The following PAK1 variants were observed in gnomAD, a reference collection of about 807,000 sequenced individuals.
PAK1 encodes serine/threonine-protein kinase PAK 1.
A neutral mutation model predicts 67.4 loss-of-function variants in PAK1; 29 were observed. The observed-to-expected ratio is 0.43, with a 90% CI of 0.32 to 0.59. The LOEUF (loss-of-function observed/expected upper bound fraction) is 0.59, where lower values mean the gene tolerates loss of function less well. Ranked by LOEUF, PAK1 falls within the 20% of genes least tolerant of loss-of-function variation. PAK1 has a pLI of 0.07. For synonymous variants in PAK1, 223 were observed against 237.4 expected (o/e 0.94, Z 0.56); for missense variants, 337 against 670.7 (o/e 0.50, Z 5.50).
At chr11:77,359,972 C>CTG (rs1450955916) in intron 5 of PAK1, among the ~76,000 whole-genome samples, 1 of 151,984 alleles carries the variant, frequency 6.6e-6, no homozygotes, top group Non-Finnish European at 1.5e-5. Flanking sequence ...CTCAGTAAGA[C>CTG]TGTGATAGGT....
the PAK1 span, among the ~76,000 whole-genome samples, chr11:77,512,376 G>A: frequency 0.018 from 2,497 of 141,574 alleles, 20 homozygotes; most frequent in Middle Eastern, 0.035. Flanking sequence ...CATTTGTGTG[G>A]TCTCTGTGAG....
At chr11:77,401,311 C>A (rs1448732702) in intron 1 of PAK1, among the ~76,000 whole-genome samples, 5 of 152,106 alleles carry the variant, frequency 3.3e-5, no homozygotes, top group African/African-American at 1.2e-4. Flanking sequence ...AAGATACTCC[C>A]ACTATGCAGC....
chr11:77,481,284 A>T, the PAK1 span, among the ~76,000 whole-genome samples: 4 of 152,148 alleles, frequency 2.6e-5, no homozygotes, highest in Non-Finnish European at 4.4e-5. Flanking sequence ...AAAATCTCCA[A>T]ATATATATAA....
At chr11:77,466,980 A>G (rs1592584737) in intron 1 of PAK1, among the ~76,000 whole-genome samples, 1 of 152,198 alleles carries the variant, frequency 6.6e-6, no homozygotes, top group African/African-American at 2.4e-5. Context: ...TATTTTGTAC[A>G]TTATACAAAA....
chr11:77,401,642 C>T (rs1952702101), intron 1 of PAK1, among the ~76,000 whole-genome samples: 1 of 152,098 alleles, frequency 6.6e-6, no homozygotes, highest in African/African-American at 2.4e-5. Flanking sequence ...CTGCCTTTGC[C>T]TATGCTGTTT....
At chr11:77,496,143 C>T in the PAK1 span, among the ~76,000 whole-genome samples, 3 of 151,840 alleles carry the variant, frequency 2.0e-5, no homozygotes, top group Non-Finnish European at 2.9e-5. Context: ...CTCAGCCTCC[C>T]GAGTAGCTGG....
At chr11:77,329,935 G>A (rs958109481) in intron 14 of PAK1, among the ~76,000 whole-genome samples, 3 of 152,058 alleles carry the variant, frequency 2.0e-5, no homozygotes, top group African/African-American at 4.8e-5. Flanking sequence ...CTTCAGCTAA[G>A]TCTCAGGATA....
rs114967051 is a variant in PAK1 at position 77,420,048 on chromosome 11, A to G, written c.-21-27507T>C. On this transcript the variant is annotated intron_variant, in intron 1 of 14. Transcript: ENST00000356341. Reference sequence around the variant, plus strand: ...AAAGCAACCAGTCATAAGTCAAAGTATACTTGAATTTCAAAAAAGGCAAAG... The same window carrying G: ...AAAGCAACCAGTCATAAGTCAAAGTGTACTTGAATTTCAAAAAAGGCAAAG... Among the ~76,000 whole-genome samples the G allele has an allele frequency of 8.8e-3, 1,335 of 152,340 alleles. 27 individuals carry two copies. The highest frequency in any genetic ancestry group is 0.031 in the African/African-American group (1,276 of 41,568).
chr11:77,383,341 T>TTTTTTTA (rs1950075550), intron 2 of PAK1, among the ~76,000 whole-genome samples: 1 of 150,458 alleles, frequency 6.6e-6, no homozygotes, highest in African/African-American at 2.5e-5. Flanking sequence ...TTTTTTTTTT[T>TTTTTTTA]GAGACAGAGT....
At chr11:77,349,097 C>T in intron 9 of PAK1, 142 bp downstream of exon 9, 2 of 616,834 alleles carry the variant, frequency 3.2e-6, no homozygotes, top group Non-Finnish European at 5.7e-6. Flanking sequence ...TGCACTCCAG[C>T]CTGGATGACA....
At chr11:77,392,627 A>C in intron 1 of PAK1, 86 bp from the exon 2 acceptor site, 2 of 1,032,426 alleles carry the variant, frequency 1.9e-6, no homozygotes, top group East Asian at 5.1e-5. Flanking sequence ...AAGAATCAAA[A>C]TTATACAGCC....
At chr11:77,365,694 G>A (rs1947461071) in intron 5 of PAK1, among the ~76,000 whole-genome samples, 1 of 151,998 alleles carries the variant, frequency 6.6e-6, no homozygotes, top group African/African-American at 2.4e-5. Context: ...TTAGCTGGCT[G>A]TGGTGGCATG....
intron 2 of PAK1, among the ~76,000 whole-genome samples, chr11:77,385,749 C>T (rs1423396530): frequency 2.0e-5 from 3 of 151,982 alleles, no homozygotes; most frequent in African/African-American, 4.8e-5. Context: ...CCCAGCTACT[C>T]GGGAGGCTGA....
chr11:77,349,364 A>G, intron 8 of PAK1, 77 bp from the exon 9 acceptor site: 1 of 1,104,338 alleles, frequency 9.1e-7, no homozygotes, highest in Non-Finnish European at 1.4e-6. Context: ...ATGCAGTTCT[A>G]CACACAATCT....
the PAK1 span, among the ~76,000 whole-genome samples, chr11:77,524,051 A>C: frequency 2.6e-5 from 4 of 152,246 alleles, no homozygotes; most frequent in African/African-American, 7.2e-5. Context: ...TAAAAATAGG[A>C]GAATGAAATC....
intron 1 of PAK1, among the ~76,000 whole-genome samples, chr11:77,423,029 A>C (rs1254655804): frequency 6.6e-6 from 1 of 152,136 alleles, no homozygotes; most frequent in African/African-American, 2.4e-5. Flanking sequence ...TCCCTCCAGA[A>C]AATTAATTCC....
chr11:77,404,737 G>A (rs551678847), intron 1 of PAK1, among the ~76,000 whole-genome samples: 2 of 152,120 alleles, frequency 1.3e-5, no homozygotes, highest in African/African-American at 4.8e-5. Context: ...TCTTATCCCT[G>A]TATTCCTTCA....
At chr11:77,507,030 AC>A in the PAK1 span, among the ~76,000 whole-genome samples, 2 of 152,198 alleles carry the variant, frequency 1.3e-5, no homozygotes, top group African/African-American at 4.8e-5. Flanking sequence ...TAAGAAGATA[AC>A]CCCATAAATA....
chr11:77,466,171 G>A (rs780178616), intron 1 of PAK1, among the ~76,000 whole-genome samples: 7 of 152,208 alleles, frequency 4.6e-5, no homozygotes, highest in Non-Finnish European at 1.0e-4. Context: ...GGGAGTAGGT[G>A]AGAAGGTTAA....
Sources: gnomAD v4.1 joint callset for allele counts (sites outside exome capture counted in the v4.1 genomes callset) on GRCh38, gnomAD v4.1.1 for gene constraint, MANE v1.5 for transcripts, NCBI Gene and HGNC (gene_info 2026-07-23, HGNC 2026-07-21) for gene names.